Variants in PLCG2 observed in about 807,000 individuals in gnomAD.
PLCG2 encodes the protein 1-phosphatidylinositol 4,5-bisphosphate phosphodiesterase gamma-2.
Under a neutral mutation model 175.6 loss-of-function variants are expected in PLCG2, and 69 were observed. That is an observed-to-expected ratio of 0.39 (90% CI 0.32 to 0.48). The LOEUF (loss-of-function observed/expected upper bound fraction) is 0.48. PLCG2 is among the 20% of genes least tolerant of loss of function. The probability of loss-of-function intolerance (pLI) is 0.91; values close to 1 mark genes in which losing one functional copy is unlikely to be tolerated. For synonymous variants in PLCG2, 827 were observed against 624.0 expected (o/e 1.33, Z -4.85); for missense variants, 1,798 against 1,650.9 (o/e 1.09, Z -1.54).
intron 1 of PLCG2, among the ~76,000 whole-genome samples, chr16:81,753,981 C>G (rs926439025): frequency 1.0e-3 from 156 of 152,164 alleles, no homozygotes; most frequent in African/African-American, 3.4e-3. Context: ...CTGTGTGAGG[C>G]GCTGCCCTGT....
intron 7 of PLCG2, among the ~76,000 whole-genome samples, chr16:81,877,973 ATTTTTTTTTTTTTT>A (rs71146052): frequency 3.6e-5 from 2 of 55,762 alleles, no homozygotes; most frequent in Non-Finnish European, 5.9e-5. Context: ...TTTTTTTTTA[ATTTTTTTTTTTTTT>A]TTTTTTTTTT....
intron 2 of PLCG2, 80 bp downstream of exon 2, chr16:81,786,262 C>T: frequency 8.8e-7 from 1 of 1,137,124 alleles, no homozygotes; most frequent in Non-Finnish European, 1.3e-6. Context: ...CCTGTCTTGT[C>T]ATTACTGTGA....
intron 7 of PLCG2, among the ~76,000 whole-genome samples, chr16:81,878,476 T>C (rs11639517): frequency 0.19 from 28,817 of 152,124 alleles, 2,900 homozygotes; most frequent in Middle Eastern, 0.22. Flanking sequence ...GCTATAACTT[T>C]TTCTATCTTT....
chr16:81,861,751 C>G (rs1020217215), intron 5 of PLCG2, among the ~76,000 whole-genome samples: 4 of 152,210 alleles, frequency 2.6e-5, no homozygotes, highest in African/African-American at 7.2e-5. Context: ...CCCTCAGTGC[C>G]TCTCTCCACG....
In PLCG2 at chr16:81,931,603, C is replaced by G; in HGVS notation, c.2688C>G (p.Leu896=). ...VEFATDRVEE[L]FEWFQSIREI... ...TTGCCACAGACAGGGTGGAGGAGCT[C>G]TTTGAGTGGTTTCAGAGCATCCGAG... Residue 896 remains leucine, a synonymous_variant, in exon 25 of 33, where the codon CTC becomes CTG. Transcript: ENST00000564138. 6.2e-7 allele frequency: 1 copy of G among 1,614,014 alleles called. No homozygotes were observed. Among genetic ancestry groups the G allele is most frequent in the Non-Finnish European group, 8.5e-7 (1 of 1,179,978 alleles).
chr16:81,889,483 C>T (rs1256987080), intron 10 of PLCG2: 9 of 483,254 alleles, frequency 1.9e-5, no homozygotes, highest in African/African-American at 1.6e-4. Context: ...CCAGTGGGTT[C>T]ATTTTGCCTG....
intron 2 of PLCG2, among the ~76,000 whole-genome samples, chr16:81,833,423 T>G (rs1477611823): frequency 6.6e-6 from 1 of 151,198 alleles, no homozygotes; most frequent in Non-Finnish European, 1.5e-5. Context: ...CCGTTCCCTG[T>G]GGGTGAGGAG....
intron 1 of PLCG2, among the ~76,000 whole-genome samples, chr16:81,779,754 C>A (rs942599919): frequency 6.6e-6 from 1 of 152,016 alleles, no homozygotes; most frequent in African/African-American, 2.4e-5. Flanking sequence ...CTCCTCTTTT[C>A]GAGCGGCTCT....
At chr16:81,778,351 CAG>C (rs1478138437), upstream of PLCG2, among the ~76,000 whole-genome samples, 1 of 152,120 alleles carries the variant, frequency 6.6e-6, no homozygotes, top group African/African-American at 2.4e-5. Context: ...GCCTGGGTGA[CAG>C]AGTGAGACCC....
At chr16:81,756,500 G>C (rs1909930256) in intron 2 of PLCG2, among the ~76,000 whole-genome samples, 1 of 152,162 alleles carries the variant, frequency 6.6e-6, no homozygotes, top group Non-Finnish European at 1.5e-5. Context: ...CACAGTGGAG[G>C]AGCCAAGCCT....
intron 2 of PLCG2, among the ~76,000 whole-genome samples, chr16:81,766,318 C>A (rs544341378): frequency 9.5e-4 from 144 of 152,328 alleles, no homozygotes; most frequent in African/African-American, 3.3e-3. Context: ...CTCTGCAGGG[C>A]TGGAGACACA....
intron 2 of PLCG2, among the ~76,000 whole-genome samples, chr16:81,802,034 C>G: frequency 6.8e-6 from 1 of 147,840 alleles, no homozygotes; most frequent in East Asian, 2.1e-4. Context: ...CAGAGGTGCC[C>G]ACCAACATTC....
chr16:81,888,548 T>C (rs1908483117), intron 9 of PLCG2, among the ~76,000 whole-genome samples: 1 of 152,206 alleles, frequency 6.6e-6, no homozygotes, highest in Admixed American at 6.5e-5. Context: ...CCTAATAAGA[T>C]TTTATACAAT....
rs59433978 is a variant in PLCG2, at chr16:81,849,651, A to AT, written c.194-4792dup. On this transcript the variant is annotated intron_variant, in intron 2 of 32. Transcript: ENST00000564138. ...CCAGGTCTGGTGGCGGATGCCTGTA[A>AT]TCCCAGCTACTCGGGAGGCTGAGGC... Among the ~76,000 whole-genome samples the AT allele has an allele frequency of 2.4e-3, 360 of 152,032 alleles. 7 individuals carry two copies. The East Asian group carries it at 0.062, about 26-fold the overall frequency.
intron 1 of PLCG2, among the ~76,000 whole-genome samples, chr16:81,753,558 A>G (rs1057400391): frequency 6.6e-6 from 1 of 151,882 alleles, no homozygotes; most frequent in Admixed American, 6.6e-5. Context: ...AGCTGGGATT[A>G]TAGGCGCACA....
At chr16:81,783,084 G>A (rs1259969689) in intron 1 of PLCG2, 2 of 471,092 alleles carry the variant, frequency 4.2e-6, no homozygotes, top group Admixed American at 4.5e-5. Flanking sequence ...CAGAGTGAGG[G>A]CTGGAAAGAA....
chr16:81,752,815 G>T (rs1909839588), intron 1 of PLCG2, among the ~76,000 whole-genome samples: 1 of 152,192 alleles, frequency 6.6e-6, no homozygotes, highest in Non-Finnish European at 1.5e-5. Flanking sequence ...CACCTCCCCG[G>T]TGAGTGGCTG....
At chr16:81,879,664 C>A (rs557854866) in intron 7 of PLCG2, among the ~76,000 whole-genome samples, 3 of 152,300 alleles carry the variant, frequency 2.0e-5, no homozygotes, top group Non-Finnish European at 4.4e-5. Context: ...ATAGTGGATA[C>A]ATTTCCCTAA....
chr16:81,895,684 A>C, intron 12 of PLCG2, 123 bp from the exon 13 acceptor site: 1 of 1,057,600 alleles, frequency 9.5e-7, no homozygotes, highest in African/African-American at 1.6e-5. Flanking sequence ...TCGTGTTGGC[A>C]GCCGAATGGA....
Sources: gnomAD v4.1 joint callset for allele counts (sites outside exome capture counted in the v4.1 genomes callset) on GRCh38, gnomAD v4.1.1 for gene constraint, MANE v1.5 for transcripts, NCBI Gene and HGNC (gene_info 2026-07-23, HGNC 2026-07-21) for gene names.